Variants in TSPAN9 observed in about 807,000 individuals in gnomAD.
The protein encoded by TSPAN9 is tetraspanin 9, also known as tetraspanin-9.
A neutral mutation model predicts 31.0 loss-of-function variants in TSPAN9; 16 were observed. That is an observed-to-expected ratio of 0.52 (90% confidence interval 0.35 to 0.78). TSPAN9 has a LOEUF of 0.78. Ranked by LOEUF, TSPAN9 falls within the 30% of genes least tolerant of loss-of-function variation. TSPAN9 has a pLI of 0.01. For missense variants in TSPAN9, 272 were observed against 312.5 expected (o/e 0.87, Z 0.98); for synonymous variants, 145 against 121.6 (o/e 1.19, Z -1.27).
Position 3,230,009 on chromosome 12 carries a change from G to A in TSPAN9, c.63+28753G>A, listed in dbSNP as rs1181038151. The stretch of plus-strand genomic sequence containing the variant: ...CCCCATCAAGAGACAAGAGCACAAC[G>A]GAGCAGTGTGTAGATACTTTTCTTT... On this transcript the variant is annotated intron_variant, in intron 3 of 8. Transcript: ENST00000011898. Among the ~76,000 whole-genome samples, 3 of 152,296 alleles carry A rather than the reference G, an allele frequency of 2.0e-5. No individual in the cohort carries two copies. In the South Asian group the frequency reaches 6.2e-4, roughly 32 times the overall value.
intron 5 of TSPAN9, 43 bp downstream of exon 5, chr12:3,279,109 C>A: frequency 6.3e-7 from 1 of 1,586,412 alleles, no homozygotes; most frequent in South Asian, 1.1e-5. Flanking sequence ...AATGTCACTG[C>A]CCTTAGAGTT....
At chr12:3,095,085 C>T in intron 2 of TSPAN9, among the ~76,000 whole-genome samples, 1 of 96,952 alleles carries the variant, frequency 1.0e-5, no homozygotes, top group African/African-American at 4.9e-5. Flanking sequence ...AACGAGCATG[C>T]TGCCTTCAAG....
chr12:3,229,690 G>T (rs1476760086), intron 3 of TSPAN9, among the ~76,000 whole-genome samples: 4 of 152,238 alleles, frequency 2.6e-5, no homozygotes, highest in African/African-American at 9.6e-5. Context: ...CCATCTTCCT[G>T]CTGGGTTTTG....
At chr12:3,249,365 C>T (rs1414916743) in intron 3 of TSPAN9, among the ~76,000 whole-genome samples, 4 of 152,210 alleles carry the variant, frequency 2.6e-5, no homozygotes, top group Non-Finnish European at 5.9e-5. Context: ...TTCCTTCCTG[C>T]CCACCATTCT....
chr12:3,256,508 G>A (rs776842571), intron 3 of TSPAN9, among the ~76,000 whole-genome samples: 13 of 152,344 alleles, frequency 8.5e-5, no homozygotes, highest in Non-Finnish European at 1.5e-4. Flanking sequence ...AGCGGATGAC[G>A]GGCTGTAGCG....
At chr12:3,227,230 A>T (rs570869770) in intron 3 of TSPAN9, among the ~76,000 whole-genome samples, 5 of 152,314 alleles carry the variant, frequency 3.3e-5, no homozygotes, top group South Asian at 4.1e-4. Flanking sequence ...AGTTTCATTG[A>T]ACACAGGGAG....
At chr12:3,132,418 C>T (rs1359601267) in intron 2 of TSPAN9, among the ~76,000 whole-genome samples, 1 of 152,164 alleles carries the variant, frequency 6.6e-6, no homozygotes, top group Non-Finnish European at 1.5e-5. Flanking sequence ...TTCTCCACAT[C>T]CTTGCCAACA....
chr12:3,144,163 C>T (rs1034892058), intron 2 of TSPAN9, among the ~76,000 whole-genome samples: 4 of 152,044 alleles, frequency 2.6e-5, no homozygotes, highest in African/African-American at 9.7e-5. Flanking sequence ...TGCAGTGGTG[C>T]GATCTTGGCT....
intron 2 of TSPAN9, among the ~76,000 whole-genome samples, chr12:3,102,249 A>G (rs1272975269): frequency 6.6e-6 from 1 of 151,456 alleles, no homozygotes; most frequent in South Asian, 2.1e-4. Flanking sequence ...TCACCCTCCT[A>G]AGTAGCTGGG....
chr12:3,171,355 G>A (rs1056074917), intron 2 of TSPAN9, among the ~76,000 whole-genome samples: 2 of 151,994 alleles, frequency 1.3e-5, no homozygotes, highest in African/African-American at 4.8e-5. Context: ...TGACTAATCC[G>A]TAATCCACAG....
At chr12:3,241,894 C>G (rs2098396755) in intron 3 of TSPAN9, among the ~76,000 whole-genome samples, 1 of 152,244 alleles carries the variant, frequency 6.6e-6, no homozygotes, top group Non-Finnish European at 1.5e-5. Context: ...CTGCCCCCTC[C>G]CCACCGTCTC....
chr12:3,243,970 G>A (rs1033716919), intron 3 of TSPAN9, among the ~76,000 whole-genome samples: 4 of 152,200 alleles, frequency 2.6e-5, no homozygotes, highest in African/African-American at 9.6e-5. Flanking sequence ...TTACCCGCAG[G>A]GTCTTGGCAG....
intron 3 of TSPAN9, among the ~76,000 whole-genome samples, chr12:3,216,924 C>A (rs2098381715): frequency 6.6e-6 from 1 of 152,176 alleles, no homozygotes; most frequent in African/African-American, 2.4e-5. Context: ...CCAGGCCAGG[C>A]CACCACCCCA....
intron 3 of TSPAN9, among the ~76,000 whole-genome samples, chr12:3,270,326 T>C (rs968902267): frequency 3.3e-5 from 5 of 152,156 alleles, no homozygotes; most frequent in African/African-American, 1.2e-4. Flanking sequence ...GAAAGAGGCA[T>C]AGCTTATAAT....
At chr12:3,085,431 A>G (rs1000353463) in intron 2 of TSPAN9, among the ~76,000 whole-genome samples, 1 of 151,630 alleles carries the variant, frequency 6.6e-6, no homozygotes, top group Non-Finnish European at 1.5e-5. Context: ...TCCTCTGTGC[A>G]TCTGCGTTGA....
chr12:3,148,990 C>T (rs2098338648), intron 2 of TSPAN9, among the ~76,000 whole-genome samples: 1 of 152,192 alleles, frequency 6.6e-6, no homozygotes, highest in South Asian at 2.1e-4. Flanking sequence ...AGGGTGGTGG[C>T]TGCCTCCTGG....
At chr12:3,174,751 T>G (rs2098354169) in intron 2 of TSPAN9, among the ~76,000 whole-genome samples, 1 of 124,418 alleles carries the variant, frequency 8.0e-6, no homozygotes, top group Admixed American at 8.8e-5. Flanking sequence ...CCCGGCTAAT[T>G]TTTTGTATTT....
intron 2 of TSPAN9, among the ~76,000 whole-genome samples, chr12:3,129,571 T>A (rs565437935): frequency 1.5e-4 from 23 of 152,202 alleles, no homozygotes; most frequent in Non-Finnish European, 2.9e-4. Context: ...ATGTATCCCT[T>A]AACTCTTTGG....
At chr12:3,232,368 G>A (rs1041123512) in intron 3 of TSPAN9, among the ~76,000 whole-genome samples, 3 of 151,924 alleles carry the variant, frequency 2.0e-5, no homozygotes, top group Middle Eastern at 3.2e-3. Context: ...CCCACTAAGA[G>A]ATAAGGAGGA....
Sources: gnomAD v4.1 joint callset for allele counts (sites outside exome capture counted in the v4.1 genomes callset) on GRCh38, gnomAD v4.1.1 for gene constraint, MANE v1.5 for transcripts, NCBI Gene and HGNC (gene_info 2026-07-23, HGNC 2026-07-21) for gene names.